Variants in KCNH5 observed in about 807,000 individuals in gnomAD.
KCNH5 encodes the protein voltage-gated delayed rectifier potassium channel KCNH5.
In KCNH5, 46 loss-of-function variants were observed where a neutral mutation model predicts 96.1. The ratio of observed to expected loss-of-function variants is 0.48; its 90% CI spans 0.38 to 0.61. The LOEUF (loss-of-function observed/expected upper bound fraction) is 0.61, where lower values mean the gene tolerates loss of function less well. Ranked by LOEUF, KCNH5 falls within the 20% of genes least tolerant of loss-of-function variation. KCNH5 has a pLI of 0.00. For synonymous variants in KCNH5, 439 were observed against 449.8 expected, an observed-to-expected ratio of 0.98 and a Z score of 0.30; for missense variants, 907 against 1,225.8, an observed-to-expected ratio of 0.74 and a Z score of 3.88.
chr14:62,880,809 T>G (rs936583420), intron 7 of KCNH5, among the ~76,000 whole-genome samples: 15 of 152,224 alleles, frequency 9.9e-5, no homozygotes, highest in African/African-American at 3.6e-4. Flanking sequence ...TTTAGTATAG[T>G]ATTTATTCAT....
chr14:62,737,621 CAG>C (rs1234706568), intron 10 of KCNH5, among the ~76,000 whole-genome samples: 3 of 152,040 alleles, frequency 2.0e-5, no homozygotes, highest in African/African-American at 7.2e-5. Context: ...TAAATCTACT[CAG>C]AGTTTTATAG....
At chr14:63,013,715 C>A (rs1049152099) in intron 2 of KCNH5, among the ~76,000 whole-genome samples, 3 of 151,888 alleles carry the variant, frequency 2.0e-5, no homozygotes, top group Non-Finnish European at 4.4e-5. Flanking sequence ...TTGGGGGGTG[C>A]TTTTGGGTTT....
At chr14:62,750,366 G>A (rs947339335) in intron 10 of KCNH5, among the ~76,000 whole-genome samples, 9 of 152,176 alleles carry the variant, frequency 5.9e-5, no homozygotes, top group African/African-American at 2.2e-4. Context: ...TTAACAGTTT[G>A]CTGTCATTGA....
At chr14:62,724,851 T>C (rs142133755) in intron 10 of KCNH5, among the ~76,000 whole-genome samples, 1 of 152,324 alleles carries the variant, frequency 6.6e-6, no homozygotes, top group East Asian at 1.9e-4. Flanking sequence ...TTGCCAAGAA[T>C]TGAAACTTAG....
chr14:62,841,497 A>G lies in KCNH5; in HGVS notation c.1569+8156T>C, dbSNP rs1167337911. Among the ~76,000 whole-genome samples the G allele has an allele frequency of 3.3e-5, 5 of 151,832 alleles. No individual in the cohort carries two copies. In the South Asian group the frequency reaches 8.3e-4, roughly 25 times the overall value. On this transcript the variant is annotated intron_variant, in intron 8 of 10. Transcript: ENST00000322893. ...TATTCATGGTTTAATTTTTCCCCAAAGTCTAACGTATATTTCTGTACAATG... is the reference window on the plus strand; with the variant it reads ...TATTCATGGTTTAATTTTTCCCCAAGGTCTAACGTATATTTCTGTACAATG...
At chr14:62,968,963 T>C (rs991842421) in intron 6 of KCNH5, among the ~76,000 whole-genome samples, 4 of 152,186 alleles carry the variant, frequency 2.6e-5, no homozygotes, top group African/African-American at 9.6e-5. Context: ...AGTAATCCAA[T>C]ACTCAATATA....
intron 1 of KCNH5, among the ~76,000 whole-genome samples, chr14:63,038,101 C>T (rs1891755761): frequency 6.6e-6 from 1 of 152,130 alleles, no homozygotes. Context: ...AGTGTGGTTT[C>T]TGTTTTCAGA....
chr14:62,793,799 AGAGAG>A lies in KCNH5; in HGVS notation c.1822+8525_1822+8529del, dbSNP rs1886484061. ...CAAGAAGTCTTTAATTTTGTGAGTA[AGAGAG>A]ACAGACCAAAAAAATTACAAAATAG... On this transcript the variant is annotated intron_variant, in intron 9 of 10. Transcript: ENST00000322893. Among the ~76,000 whole-genome samples, 4 of 151,860 alleles carry A rather than the reference AGAGAG, an allele frequency of 2.6e-5. No homozygotes were observed. In the South Asian group the frequency reaches 8.3e-4, roughly 31 times the overall value.
intron 7 of KCNH5, among the ~76,000 whole-genome samples, chr14:62,891,436 T>A (rs1204102068): frequency 6.6e-6 from 1 of 151,876 alleles, no homozygotes; most frequent in Non-Finnish European, 1.5e-5. Flanking sequence ...GAGAGGAGCA[T>A]AAAAGATAAC....
intron 4 of KCNH5, among the ~76,000 whole-genome samples, chr14:62,992,115 T>A (rs1479908253): frequency 6.6e-6 from 1 of 152,070 alleles, no homozygotes; most frequent in Non-Finnish European, 1.5e-5. Context: ...TCACTTAAGA[T>A]AACGGATTCC....
chr14:62,778,863 T>C (rs1284040570), intron 10 of KCNH5, among the ~76,000 whole-genome samples: 1 of 152,366 alleles, frequency 6.6e-6, no homozygotes, highest in African/African-American at 2.4e-5. Flanking sequence ...TTACATTGAT[T>C]TAATTATGTT....
At chr14:62,816,574 G>A (rs868420738) in intron 8 of KCNH5, among the ~76,000 whole-genome samples, 6 of 151,914 alleles carry the variant, frequency 3.9e-5, no homozygotes, top group African/African-American at 1.4e-4. Flanking sequence ...AGTAAAGTTT[G>A]CCTCAGGAAT....
intron 7 of KCNH5, among the ~76,000 whole-genome samples, chr14:62,898,801 A>G (rs1401247883): frequency 1.3e-5 from 2 of 152,180 alleles, no homozygotes; most frequent in African/African-American, 4.8e-5. Flanking sequence ...GGTATCATAA[A>G]TTATTGCTAC....
At chr14:62,883,226 G>C (rs928058137) in intron 7 of KCNH5, among the ~76,000 whole-genome samples, 1 of 152,120 alleles carries the variant, frequency 6.6e-6, no homozygotes, top group African/African-American at 2.4e-5. Context: ...ACAACTTTTT[G>C]AGTAAGAATT....
chr14:62,958,212 C>T (rs911639872), intron 6 of KCNH5, among the ~76,000 whole-genome samples: 2 of 152,154 alleles, frequency 1.3e-5, no homozygotes, highest in Admixed American at 6.6e-5. Context: ...TGCTATTATG[C>T]TTTGCATGGA....
At chr14:62,710,243 G>A (rs887815002) in intron 10 of KCNH5, among the ~76,000 whole-genome samples, 1 of 152,156 alleles carries the variant, frequency 6.6e-6, no homozygotes, top group Non-Finnish European at 1.5e-5. Flanking sequence ...TCAGTTTATC[G>A]AGTGGTACTA....
intron 10 of KCNH5, among the ~76,000 whole-genome samples, chr14:62,730,107 A>G (rs964824336): frequency 2.0e-5 from 3 of 152,200 alleles, no homozygotes; most frequent in Non-Finnish European, 4.4e-5. Flanking sequence ...AAACTTTTTT[A>G]TAAAATTGAA....
chr14:63,040,404 G>A (rs1198910419), intron 1 of KCNH5, among the ~76,000 whole-genome samples: 1 of 152,016 alleles, frequency 6.6e-6, no homozygotes, highest in Non-Finnish European at 1.5e-5. Context: ...TAATGCAAGG[G>A]ACAATCTTGT....
rs1468892675 is a variant in KCNH5, at chr14:62,853,460, T to TATATATATATATATATATATATC, written c.1370-3609_1370-3608insGATATATATATATATATATATAT. On this transcript the variant is annotated intron_variant, in intron 7 of 10. Transcript: ENST00000322893. Reference sequence around the variant, plus strand: ...TTCCCAAACAAAAAGAATAATCATATATATATATATATATATATATCATAT... The same window carrying TATATATATATATATATATATATC: ...TTCCCAAACAAAAAGAATAATCATATATATATATATATATATATATATCATATATATATATATATATATCATAT... Among the ~76,000 whole-genome samples, 41 of 89,528 alleles carry TATATATATATATATATATATATC rather than the reference T, an allele frequency of 4.6e-4. 1 individual carries two copies. Among genetic ancestry groups the TATATATATATATATATATATATC allele is most frequent in the African/African-American group, 1.4e-3 (37 of 25,658 alleles). The allele number at this position is 89,528 out of a possible 152,430, so 58.7% of individuals were successfully genotyped here. A position where few individuals can be genotyped will look rare whatever the true frequency, so the allele number is the denominator to read the frequency against.
Sources: gnomAD v4.1 joint callset for allele counts (sites outside exome capture counted in the v4.1 genomes callset) on GRCh38, gnomAD v4.1.1 for gene constraint, MANE v1.5 for transcripts, NCBI Gene and HGNC (gene_info 2026-07-23, HGNC 2026-07-21) for gene names.